Variants in BRINP2 observed in about 807,000 individuals in gnomAD.
The protein encoded by BRINP2 is BMP/retinoic acid inducible neural specific 2, also known as BMP/retinoic acid-inducible neural-specific protein 2.
BRINP2 carries 21 observed loss-of-function variants against 69.2 expected under a neutral mutation model. That is an observed-to-expected ratio of 0.30 (90% CI 0.22 to 0.44). The LOEUF (loss-of-function observed/expected upper bound fraction) is 0.44. Among genes scored for constraint, BRINP2 ranks in the 20% least tolerant of loss-of-function variants. The pLI, the probability that BRINP2 is intolerant of heterozygous loss-of-function variation, is 1.00. For synonymous variants in BRINP2, 380 were observed against 394.1 expected (o/e 0.96, Z 0.42); for missense variants, 877 against 986.0 (o/e 0.89, Z 1.48).
At chr1:177,262,545 A>G (rs1035983899) in intron 4 of BRINP2, among the ~76,000 whole-genome samples, 1 of 151,778 alleles carries the variant, frequency 6.6e-6, no homozygotes, top group African/African-American at 2.4e-5. Context: ...AGAGGGAGAA[A>G]GTGATGATGT....
At chr1:177,174,339 C>A (rs1326942679) in intron 1 of BRINP2, among the ~76,000 whole-genome samples, 1 of 152,226 alleles carries the variant, frequency 6.6e-6, no homozygotes, top group Non-Finnish European at 1.5e-5. Context: ...GTTACAATGA[C>A]ACAAGGTTTC....
intron 4 of BRINP2, among the ~76,000 whole-genome samples, chr1:177,273,020 C>G (rs182329980): frequency 7.9e-5 from 12 of 152,274 alleles, no homozygotes; most frequent in Admixed American, 7.8e-4. Flanking sequence ...ATGTTTAATA[C>G]TAATACTAAT....
At chr1:177,211,772 T>C (rs1649228185) in intron 1 of BRINP2, among the ~76,000 whole-genome samples, 1 of 152,170 alleles carries the variant, frequency 6.6e-6, no homozygotes. Flanking sequence ...TTGTCCACAG[T>C]AAAGTTATTT....
chr1:177,203,610 C>A (rs1354240377), intron 1 of BRINP2, among the ~76,000 whole-genome samples: 3 of 152,080 alleles, frequency 2.0e-5, no homozygotes, highest in East Asian at 1.9e-4. Context: ...AAGATTCATG[C>A]TGTCATCTGA....
At chr1:177,220,895 A>G (rs1377128544) in intron 1 of BRINP2, among the ~76,000 whole-genome samples, 1 of 152,208 alleles carries the variant, frequency 6.6e-6, no homozygotes, top group Non-Finnish European at 1.5e-5. Flanking sequence ...GGTTCTTATG[A>G]GGCCATGCTG....
At chr1:177,245,795 C>T (rs1650358740) in intron 2 of BRINP2, among the ~76,000 whole-genome samples, 1 of 152,118 alleles carries the variant, frequency 6.6e-6, no homozygotes, top group Non-Finnish European at 1.5e-5. Context: ...ACTCTCAGTG[C>T]CCTCCCTATG....
intron 4 of BRINP2, among the ~76,000 whole-genome samples, chr1:177,262,518 A>T (rs1650989747): frequency 6.6e-6 from 1 of 151,562 alleles, no homozygotes; most frequent in African/African-American, 2.4e-5. Flanking sequence ...CTGGAAAAAA[A>T]AAAAAAGCCT....
In BRINP2 at chr1:177,280,898, C is replaced by G. The variant is rs1651677487; in HGVS notation, c.1722C>G (p.Ile574Met). 6.2e-6 allele frequency: 10 copies of G among 1,614,120 alleles called. No homozygotes were observed. Among genetic ancestry groups the G allele is most frequent in the African/African-American group, 1.3e-5 (1 of 74,954 alleles). The change falls in exon 8 of 8, where the codon ATC becomes ATG. Residue 574 changes from isoleucine to methionine, a missense_variant. Physicochemically the swap from Ile to Met is conservative, Grantham distance 10. Coordinates refer to ENST00000361539, the MANE Select transcript of BRINP2 (RefSeq NM_021165.4). ...TGATGTTGGCCTTGTCCTTGCAGAT[C>G]TGTCTCACCAAGAACAGCACCCTGG... Reference protein sequence around the residue: ...VHVMLALSLQICLTKNSTLEP... With the variant: ...VHVMLALSLQMCLTKNSTLEP...
chr1:177,191,452 C>G (rs1304714180), intron 1 of BRINP2, among the ~76,000 whole-genome samples: 3 of 151,974 alleles, frequency 2.0e-5, no homozygotes, highest in Non-Finnish European at 4.4e-5. Context: ...TTCTTTCACT[C>G]TTTCGCTCTT....
At chr1:177,236,156 CA>C (rs141882450) in intron 2 of BRINP2, among the ~76,000 whole-genome samples, 1,933 of 152,252 alleles carry the variant, frequency 0.013, 42 homozygotes, top group African/African-American at 0.044. Flanking sequence ...GCGAAGAGAC[CA>C]GTACTGCCTA....
intron 4 of BRINP2, among the ~76,000 whole-genome samples, chr1:177,269,028 G>C (rs1651222540): frequency 6.6e-6 from 1 of 152,042 alleles, no homozygotes; most frequent in South Asian, 2.1e-4. Flanking sequence ...TTAAAATATT[G>C]AAACACTTCT....
At chr1:177,228,267 G>A (rs1473075867) in intron 1 of BRINP2, among the ~76,000 whole-genome samples, 1 of 152,222 alleles carries the variant, frequency 6.6e-6, no homozygotes, top group Non-Finnish European at 1.5e-5. Context: ...ATCCTTCTAA[G>A]CAGGGGTTGC....
chr1:177,257,707 C>T lies in BRINP2; in HGVS notation c.669+323C>T, dbSNP rs75083785. ...TTTCTAATGATAAATAAAGACAAGA[C>T]AGAGTCATAGGTGTACATTTCCTGG... On this transcript the variant is annotated intron_variant, in intron 4 of 7. Transcript: ENST00000361539. Among the ~76,000 whole-genome samples, 569 of 152,270 alleles carry T rather than the reference C, an allele frequency of 3.7e-3. 2 individuals carry two copies. Among genetic ancestry groups the T allele is most frequent in the Admixed American group, 6.3e-3 (96 of 15,298 alleles).
intron 1 of BRINP2, among the ~76,000 whole-genome samples, chr1:177,179,956 G>A (rs188537052): frequency 3.3e-5 from 5 of 151,984 alleles, no homozygotes; most frequent in Admixed American, 2.6e-4. Context: ...TCACACACAC[G>A]CACACCCCGT....
At chr1:177,273,621 C>A in intron 5 of BRINP2, 28 bp downstream of exon 5, 1 of 1,342,968 alleles carries the variant, frequency 7.4e-7, no homozygotes, top group Non-Finnish European at 1.0e-6. Context: ...GGTTTTCATA[C>A]CTTTCACACC....
intron 4 of BRINP2, among the ~76,000 whole-genome samples, chr1:177,262,605 G>C (rs2102351551): frequency 6.6e-6 from 1 of 152,180 alleles, no homozygotes; most frequent in Non-Finnish European, 1.5e-5. Context: ...TCTTACCCAG[G>C]AACTTGAGTG....
chr1:177,206,377 T>C (rs1283667589), intron 1 of BRINP2, among the ~76,000 whole-genome samples: 1 of 152,230 alleles, frequency 6.6e-6, no homozygotes, highest in Non-Finnish European at 1.5e-5. Context: ...ATTTGTTACA[T>C]AGTAATAGAT....
At chr1:177,267,540 T>C (rs1207273567) in intron 4 of BRINP2, among the ~76,000 whole-genome samples, 1 of 152,264 alleles carries the variant, frequency 6.6e-6, no homozygotes, top group Non-Finnish European at 1.5e-5. Flanking sequence ...CCTCGGTTCC[T>C]GATATATTTT....
At chr1:177,216,842 G>A (rs1649395537) in intron 1 of BRINP2, among the ~76,000 whole-genome samples, 1 of 148,600 alleles carries the variant, frequency 6.7e-6, no homozygotes, top group African/African-American at 2.5e-5. Context: ...CCTGGCCCGC[G>A]GTGTTTCTGC....
Sources: allele counts gnomAD v4.1 joint callset (sites outside exome capture counted in the v4.1 genomes callset), GRCh38; gene constraint gnomAD v4.1.1; transcripts MANE v1.5; gene names NCBI Gene and HGNC (gene_info 2026-07-23, HGNC 2026-07-21).